The following BNIP2 variants were observed in gnomAD, a reference collection of about 807,000 sequenced individuals.
The protein encoded by BNIP2 is BCL2 interacting protein 2.
BNIP2 carries 36 observed loss-of-function variants against 43.4 expected under a neutral mutation model. The observed-to-expected ratio is 0.83, with a 90% CI of 0.64 to 1.10. The LOEUF is 1.10. Among genes scored for constraint, BNIP2 ranks in the 50% least tolerant of loss-of-function variants. The pLI, the probability that BNIP2 is intolerant of heterozygous loss-of-function variation, is 0.00. For missense variants in BNIP2, 417 were observed against 374.1 expected, an observed-to-expected ratio of 1.11 and a Z score of -0.95; for synonymous variants, 146 against 121.0, an observed-to-expected ratio of 1.21 and a Z score of -1.35.
chr15:59,686,792 G>A (rs1894043154), intron 1 of BNIP2, among the ~76,000 whole-genome samples: 1 of 152,130 alleles, frequency 6.6e-6, no homozygotes, highest in Non-Finnish European at 1.5e-5. Context: ...TGAGGCGGAC[G>A]GATCACCTGA....
intron 4 of BNIP2, 77 bp from the exon 5 acceptor site, chr15:59,678,164 C>G: frequency 6.9e-7 from 1 of 1,453,962 alleles, no homozygotes; most frequent in Non-Finnish European, 9.0e-7. Context: ...ACTTTACTAC[C>G]TAGATTTTAC....
chr15:59,674,732 A>G (rs754404836), intron 5 of BNIP2, among the ~76,000 whole-genome samples: 3 of 152,210 alleles, frequency 2.0e-5, no homozygotes, highest in African/African-American at 4.8e-5. Flanking sequence ...CATGCTCTAC[A>G]GTGAGTTGTG....
intron 9 of BNIP2, among the ~76,000 whole-genome samples, chr15:59,667,184 C>T (rs951759283): frequency 6.6e-6 from 1 of 152,156 alleles, no homozygotes; most frequent in African/African-American, 2.4e-5. Flanking sequence ...AAGTGTAAAA[C>T]TGATTCTATC....
At position 59,660,801 on chromosome 15, in the gene BNIP2, AC is replaced by A. The variant is rs1488005757; in HGVS notation, c.*3267del. Reference sequence around the variant, plus strand: ...GAAATATGAAAAAACAAAAAAACCAACCAAAAACCCTCAATCCTAAACTTTT... The same window carrying A: ...GAAATATGAAAAAACAAAAAAACCAACAAAAACCCTCAATCCTAAACTTTT... On this transcript the variant is annotated 3_prime_UTR_variant, in exon 10 of 10. Transcript: ENST00000607373. 1.3e-5 allele frequency: 2 copies of A among 152,196 alleles called. No individual in the cohort carries two copies. The highest frequency in any genetic ancestry group is 2.4e-5 in the African/African-American group (1 of 41,448). The allele number at this position is 152,196 out of a possible 1,614,324, so 9.4% of individuals were successfully genotyped here.
At chr15:59,670,800 G>A (rs540475034) in intron 7 of BNIP2, among the ~76,000 whole-genome samples, 40 of 152,250 alleles carry the variant, frequency 2.6e-4, no homozygotes, top group African/African-American at 9.4e-4. Flanking sequence ...AAGGCTGGGC[G>A]CGGTGGCTCA....
Position 59,677,944 on chromosome 15 carries a change from T to C in BNIP2, c.439A>G (p.Ile147Val), listed in dbSNP as rs377715453. The change falls in exon 5 of 10, where the codon ATT (isoleucine) becomes GTT (valine). Residue 147 changes from isoleucine to valine, a missense_variant. By Grantham distance (29) the Ile-to-Val change is conservative. Coordinates refer to ENST00000607373, the MANE Select transcript of BNIP2 (RefSeq NM_004330.4). The stretch of plus-strand genomic sequence containing the variant: ...CTGATAACTTTTTTATAGGGTTCAA[T>C]TGCCTTCATATCAACCCTGTGGTCC... ...EQDHRVDMKA[I>V]EPYKKVISHG... 4.5e-5 allele frequency: 73 copies of C among 1,612,972 alleles called. No individual in the cohort carries two copies. Among genetic ancestry groups the C allele is most frequent in the Middle Eastern group, 1.6e-4 (1 of 6,080 alleles).
chr15:59,664,060 A>G lies in BNIP2; in HGVS notation c.*9T>C. ...CATTCTTCAGTCTTGTTTGGACTAG[A>G]TGCCAAACTTACTGTTCATTTTTCG... On this transcript the variant is annotated 3_prime_UTR_variant, in exon 10 of 10. Coordinates refer to ENST00000607373, the MANE Select transcript of BNIP2 (RefSeq NM_004330.4). The G allele has an allele frequency of 6.5e-7, 1 of 1,544,686 alleles. No homozygotes were observed. The highest frequency in any genetic ancestry group is 1.4e-5 in the African/African-American group (1 of 72,986).
rs533202294 is a variant in BNIP2, at chr15:59,664,084, C to T, written c.930G>A (p.Pro310=). The change falls in exon 10 of 10, where the codon CCG becomes CCA. Residue 310 remains proline, a synonymous_variant. Coordinates refer to ENST00000607373, the MANE Select transcript of BNIP2 (RefSeq NM_004330.4). ...DQELNGKQDE[P]KNEQ ...GATGCCAAACTTACTGTTCATTTTT[C>T]GGTTCATCTTGTTTTCCATTAAGTT... 117 of 1,548,770 alleles carry T rather than the reference C, an allele frequency of 7.6e-5. 2 individuals carry two copies. Among genetic ancestry groups the T allele is most frequent in the Middle Eastern group, 3.3e-4 (2 of 5,978 alleles).
At chr15:59,677,576 G>T (rs1181095816) in intron 5 of BNIP2, among the ~76,000 whole-genome samples, 1 of 152,194 alleles carries the variant, frequency 6.6e-6, no homozygotes, top group African/African-American at 2.4e-5. Context: ...GACACAGTAT[G>T]TCAAAAGTAA....
chr15:59,669,243 ATAAAAT>A (rs1566958029), intron 8 of BNIP2, 27 bp downstream of exon 8: 7 of 1,424,426 alleles, frequency 4.9e-6, no homozygotes, highest in Non-Finnish European at 6.7e-6. Flanking sequence ...AATAAAAAAA[ATAAAAT>A]TAAAGTCAAT....
chr15:59,688,314 T>C (rs1056952308), intron 1 of BNIP2, among the ~76,000 whole-genome samples: 2 of 152,202 alleles, frequency 1.3e-5, no homozygotes, highest in African/African-American at 4.8e-5. Flanking sequence ...GAGATTCCTA[T>C]AAAATGTTAG....
chr15:59,665,629 C>T (rs1424169267), intron 9 of BNIP2, among the ~76,000 whole-genome samples: 1 of 151,888 alleles, frequency 6.6e-6, no homozygotes, highest in African/African-American at 2.4e-5. Context: ...AAACAAAAAC[C>T]CATCAAAAAG....
At chr15:59,679,563 G>C (rs374374811) in intron 4 of BNIP2, 29 bp downstream of exon 4, 2 of 1,595,010 alleles carry the variant, frequency 1.3e-6, no homozygotes, top group Non-Finnish European at 1.7e-6. Flanking sequence ...CATTAATAAA[G>C]ATCAGATTAA....
At chr15:59,676,898 G>A (rs1466570836) in intron 5 of BNIP2, 10 of 1,601,222 alleles carry the variant, frequency 6.2e-6, no homozygotes, top group East Asian at 2.3e-5. Context: ...CACCTGCACG[G>A]TGTGGCTGGC....
chr15:59,686,043 T>C (rs1196889863), intron 1 of BNIP2, among the ~76,000 whole-genome samples: 4 of 152,222 alleles, frequency 2.6e-5, no homozygotes, highest in East Asian at 3.8e-4. Flanking sequence ...TCTCAATAGA[T>C]TGACTCTTGG....
At chr15:59,666,537 G>A (rs558632997) in intron 9 of BNIP2, among the ~76,000 whole-genome samples, 24 of 152,126 alleles carry the variant, frequency 1.6e-4, no homozygotes, top group African/African-American at 5.8e-4. Context: ...CATGGTGGTG[G>A]GTGCCTGTAA....
rs748052939 is a variant in BNIP2, at chr15:59,680,233, G to C, written c.118+8C>G. ...TAATTTCAATGAAAGTAAGTGTCAA[G>C]CTCTTACCAGGCTGGTCCTCTGGTC... On this transcript the variant is annotated splice_region_variant and intron_variant, in intron 3 of 9. Coordinates refer to ENST00000607373, the MANE Select transcript of BNIP2 (RefSeq NM_004330.4). The C allele has an allele frequency of 6.4e-7, 1 of 1,565,058 alleles. No individual in the cohort carries two copies.
chr15:59,671,125 T>C (rs1892876679), intron 7 of BNIP2, 58 bp downstream of exon 7: 15 of 1,425,682 alleles, frequency 1.1e-5, no homozygotes, highest in Non-Finnish European at 1.4e-5. Flanking sequence ...CAAAGTTTGA[T>C]TTCCTAAAGC....
At chr15:59,677,572 G>C (rs1595700159) in intron 5 of BNIP2, among the ~76,000 whole-genome samples, 2 of 152,196 alleles carry the variant, frequency 1.3e-5, no homozygotes, top group African/African-American at 4.8e-5. Flanking sequence ...TTTTGACACA[G>C]TATGTCAAAA....
Sources: gnomAD v4.1 joint callset for allele counts (sites outside exome capture counted in the v4.1 genomes callset) on GRCh38, gnomAD v4.1.1 for gene constraint, MANE v1.5 for transcripts, NCBI Gene and HGNC (gene_info 2026-07-23, HGNC 2026-07-21) for gene names.